Variants in IFT43 observed in about 807,000 individuals in gnomAD.
IFT43 encodes the protein intraflagellar transport protein 43 homolog.
In IFT43, 33 loss-of-function variants were observed where a neutral mutation model predicts 32.3. That is an observed-to-expected ratio of 1.02 (90% CI 0.77 to 1.37). The LOEUF is 1.37. IFT43 is among the 40% of genes most tolerant of loss of function. The pLI, the probability that IFT43 is intolerant of heterozygous loss-of-function variation, is 0.00. For synonymous variants in IFT43, 93 were observed against 98.2 expected, an observed-to-expected ratio of 0.95 and a Z score of 0.31; for missense variants, 274 against 265.9, an observed-to-expected ratio of 1.03 and a Z score of -0.21.
intron 5 of IFT43, among the ~76,000 whole-genome samples, chr14:76,077,862 A>G (rs937286456): frequency 2.6e-5 from 4 of 152,090 alleles, no homozygotes; most frequent in Admixed American, 2.6e-4. Context: ...CTGAATCCTG[A>G]TTCTCCTTCA....
intron 2 of IFT43, among the ~76,000 whole-genome samples, chr14:75,998,267 G>A (rs2035784767): frequency 6.6e-6 from 1 of 152,170 alleles, no homozygotes; most frequent in Non-Finnish European, 1.5e-5. Context: ...GAATCCTCAG[G>A]TGTGAGGAGT....
chr14:75,999,106 C>T (rs963454700), intron 2 of IFT43, among the ~76,000 whole-genome samples: 3 of 122,184 alleles, frequency 2.5e-5, no homozygotes, highest in African/African-American at 9.3e-5. Context: ...TCTCTTTTTC[C>T]TGCATCTCTT....
intron 5 of IFT43, among the ~76,000 whole-genome samples, chr14:76,070,357 C>T (rs1226129033): frequency 4.6e-5 from 7 of 152,152 alleles, no homozygotes; most frequent in Admixed American, 4.6e-4. Context: ...AGCAGAGTCA[C>T]TCTGAGCTGA....
chr14:76,027,025 A>G (rs2036410412), intron 3 of IFT43, among the ~76,000 whole-genome samples: 1 of 152,164 alleles, frequency 6.6e-6, no homozygotes, highest in African/African-American at 2.4e-5. Context: ...AGTGGAAGCT[A>G]AATGATGAGA....
chr14:76,026,476 TGAACCTGGGAGGCA>T lies in IFT43; in HGVS notation c.215+4085_215+4098del, dbSNP rs543267172. On this transcript the variant is annotated intron_variant, in intron 3 of 8. Transcript: ENST00000314067. ...AGGAGACCAAGGCAGTAGAATTGCTTGAACCTGGGAGGCAGAGGTTGCAGTGAGCTGAGATTGTG... is the reference window on the plus strand; with the variant it reads ...AGGAGACCAAGGCAGTAGAATTGCTTGAGGTTGCAGTGAGCTGAGATTGTG... 2.0e-5 allele frequency among the ~76,000 whole-genome samples: 3 copies of T among 149,440 alleles called. No individual in the cohort carries two copies. In the South Asian group the frequency reaches 6.3e-4, roughly 31 times the overall value.
intron 2 of IFT43, among the ~76,000 whole-genome samples, chr14:75,990,287 A>G (rs1177417614): frequency 2.0e-5 from 3 of 152,262 alleles, no homozygotes; most frequent in Non-Finnish European, 4.4e-5. Flanking sequence ...AGAGGTTAGC[A>G]CCTGATTAAG....
chr14:76,053,209 G>C (rs897399635), intron 3 of IFT43, among the ~76,000 whole-genome samples: 1 of 152,104 alleles, frequency 6.6e-6, no homozygotes, highest in Admixed American at 6.5e-5. Flanking sequence ...ACAGTGGCTG[G>C]TGCCTAACAA....
intron 5 of IFT43, among the ~76,000 whole-genome samples, chr14:76,077,834 A>G (rs780600130): frequency 4.6e-5 from 7 of 152,138 alleles, no homozygotes; most frequent in African/African-American, 1.4e-4. Context: ...ACCTTTGCAC[A>G]TGTTGTTCCC....
intron 5 of IFT43, among the ~76,000 whole-genome samples, chr14:76,066,762 G>T (rs554584576): frequency 3.3e-5 from 5 of 152,208 alleles, no homozygotes; most frequent in Non-Finnish European, 7.3e-5. Context: ...ACTTAGGAAG[G>T]GGCTGATCAC....
intron 2 of IFT43, among the ~76,000 whole-genome samples, chr14:75,997,521 T>C (rs1303629192): frequency 6.6e-6 from 1 of 152,254 alleles, no homozygotes; most frequent in Non-Finnish European, 1.5e-5. Flanking sequence ...CGAGGTATGC[T>C]CAAGGATTTC....
At chr14:76,049,262 G>A (rs2036866736) in intron 3 of IFT43, among the ~76,000 whole-genome samples, 1 of 152,122 alleles carries the variant, frequency 6.6e-6, no homozygotes, top group South Asian at 2.1e-4. Flanking sequence ...TAGTCCCAAA[G>A]TTATTCTTTT....
intron 3 of IFT43, among the ~76,000 whole-genome samples, chr14:76,050,768 T>C (rs552832608): frequency 3.3e-5 from 5 of 152,328 alleles, no homozygotes; most frequent in African/African-American, 9.6e-5. Context: ...GCCTAGTAGA[T>C]GATTAGTGAT....
intron 3 of IFT43, among the ~76,000 whole-genome samples, chr14:76,045,105 T>C (rs1261926785): frequency 6.6e-6 from 1 of 152,250 alleles, no homozygotes; most frequent in African/African-American, 2.4e-5. Flanking sequence ...TGTATTTAGA[T>C]GAAGACTAAA....
intron 3 of IFT43, among the ~76,000 whole-genome samples, chr14:76,052,739 G>T (rs1319870587): frequency 6.6e-6 from 1 of 152,184 alleles, no homozygotes; most frequent in African/African-American, 2.4e-5. Flanking sequence ...GGAGAGAAAG[G>T]TGACTTAGCT....
At chr14:76,011,183 T>C (rs12587532) in intron 2 of IFT43, among the ~76,000 whole-genome samples, 20,088 of 152,162 alleles carry the variant, frequency 0.13, 1,397 homozygotes, top group Middle Eastern at 0.18. Flanking sequence ...GTGTTGGGAT[T>C]ACAGGCATGA....
At chr14:75,991,442 T>TATA (rs1398898160) in intron 2 of IFT43, among the ~76,000 whole-genome samples, 3 of 151,056 alleles carry the variant, frequency 2.0e-5, no homozygotes, top group Admixed American at 6.6e-5. Flanking sequence ...TGTATATATA[T>TATA]TTTAAAGTCT....
At chr14:75,989,069 C>T in intron 2 of IFT43, 92 bp downstream of exon 2, 1 of 1,429,198 alleles carries the variant, frequency 7.0e-7, no homozygotes, top group Admixed American at 1.9e-5. Flanking sequence ...CATATTTCTT[C>T]TCTTGAATGC....
At chr14:76,010,392 C>G (rs976178633) in intron 2 of IFT43, among the ~76,000 whole-genome samples, 1 of 152,070 alleles carries the variant, frequency 6.6e-6, no homozygotes, top group South Asian at 2.1e-4. Context: ...CCAACCCTGC[C>G]TTTTTTCTTT....
At chr14:76,073,676 T>C (rs1205096684) in intron 5 of IFT43, among the ~76,000 whole-genome samples, 1 of 152,140 alleles carries the variant, frequency 6.6e-6, no homozygotes, top group Non-Finnish European at 1.5e-5. Flanking sequence ...AAAGTGTGGT[T>C]GACAGACTAG....
Sources: allele counts gnomAD v4.1 joint callset (sites outside exome capture counted in the v4.1 genomes callset), GRCh38; gene constraint gnomAD v4.1.1; transcripts MANE v1.5; gene names NCBI Gene and HGNC (gene_info 2026-07-23, HGNC 2026-07-21).